Variants in KCNE2 observed in about 807,000 individuals in gnomAD.
KCNE2 encodes the protein potassium voltage-gated channel subfamily E regulatory subunit 2, also known as potassium voltage-gated channel subfamily E member 2.
Under a neutral mutation model 4.5 loss-of-function variants are expected in KCNE2, and 4 were observed. The observed-to-expected ratio is 0.89, with a 90% CI of 0.44 to 2.03. The LOEUF (loss-of-function observed/expected upper bound fraction) is 2.03. Among genes scored for constraint, KCNE2 ranks in the 30% most tolerant of loss-of-function variants. KCNE2 has a pLI of 0.03. For missense variants in KCNE2, 137 were observed against 151.4 expected (o/e 0.90, Z 0.50); for synonymous variants, 57 against 55.9 (o/e 1.02, Z -0.09).
chr21:34,368,229 A>ACACACAATATATATATAT (rs781775671), intron 1 of KCNE2, among the ~76,000 whole-genome samples: 1 of 84,796 alleles, frequency 1.2e-5, no homozygotes, highest in South Asian at 4.5e-4. Flanking sequence ...ACACACACAC[A>ACACACAATATATATATAT]ATATATATAT....
chr21:34,369,224 G>A (rs917266011), intron 1 of KCNE2, among the ~76,000 whole-genome samples: 7 of 152,102 alleles, frequency 4.6e-5, no homozygotes, highest in Admixed American at 4.6e-4. Context: ...CATTTTAAAA[G>A]CAAACAAATT....
intron 1 of KCNE2, among the ~76,000 whole-genome samples, chr21:34,364,512 G>A (rs1158020973): frequency 6.6e-6 from 1 of 152,188 alleles, no homozygotes; most frequent in African/African-American, 2.4e-5. Context: ...GCTCACGCCT[G>A]TAATCCCAGC....
intron 1 of KCNE2, among the ~76,000 whole-genome samples, chr21:34,367,397 G>C (rs73205268): frequency 6.6e-5 from 10 of 152,300 alleles, no homozygotes; most frequent in Non-Finnish European, 1.2e-4. Flanking sequence ...TTTCACAGCA[G>C]ACTATATCAT....
chr21:34,371,100 T>C lies in KCNE2; in HGVS notation c.*250T>C. 1 of 552,236 alleles carries C rather than the reference T, an allele frequency of 1.8e-6. No homozygotes were observed. Among genetic ancestry groups the C allele is most frequent in the African/African-American group, 1.9e-5 (1 of 52,914 alleles). The allele number at this position is 552,236 out of a possible 1,614,324, so 34.2% of individuals were successfully genotyped here. A position where few individuals can be genotyped will look rare whatever the true frequency, so the allele number is the denominator to read the frequency against. ...TTACTTTCCGGGCAAGTGAATGTCATTTTAATCAATATCAATGATGAAAAT... is the reference window on the plus strand; with the variant it reads ...TTACTTTCCGGGCAAGTGAATGTCACTTTAATCAATATCAATGATGAAAAT... On this transcript the variant is annotated 3_prime_UTR_variant, in exon 2 of 2. Coordinates refer to ENST00000290310, the MANE Select transcript of KCNE2 (RefSeq NM_172201.2).
chr21:34,367,467 C>T (rs1979358965), intron 1 of KCNE2, among the ~76,000 whole-genome samples: 2 of 152,072 alleles, frequency 1.3e-5, no homozygotes, highest in African/African-American at 2.4e-5. Flanking sequence ...TGGTATATAC[C>T]CTGGGGCAAT....
At chr21:34,368,256 ATATATGTATGT>A (rs1173729886) in intron 1 of KCNE2, among the ~76,000 whole-genome samples, 142 of 95,792 alleles carry the variant, frequency 1.5e-3, no homozygotes, top group Non-Finnish European at 2.1e-3. Context: ...ATATATATAT[ATATATGTATGT>A]TATATATATG....
chr21:34,368,400 A>C (rs1168251190), intron 1 of KCNE2, among the ~76,000 whole-genome samples: 4 of 151,690 alleles, frequency 2.6e-5, no homozygotes. Flanking sequence ...CGAGATCGAG[A>C]CCATCCTGGC....
In KCNE2 at chr21:34,365,131, G is replaced by A. The variant is rs972014879; in HGVS notation, c.-13+980G>A. 2.6e-5 allele frequency among the ~76,000 whole-genome samples: 4 copies of A among 152,136 alleles called. 1 individual carries two copies. The highest frequency in any genetic ancestry group is 1.3e-4 in the Admixed American group (2 of 15,278). The stretch of plus-strand genomic sequence containing the variant: ...CCAACTTGAGAGGCTTGTGATCTTG[G>A]ACAGGTGACTTAAGCCCTCTAGGCT... On this transcript the variant is annotated intron_variant, in intron 1 of 1. Coordinates refer to ENST00000290310, the MANE Select transcript of KCNE2 (RefSeq NM_172201.2).
chr21:34,368,229 A>AATATATATATATATATATAT (rs10596236), intron 1 of KCNE2, among the ~76,000 whole-genome samples: 74 of 84,776 alleles, frequency 8.7e-4, no homozygotes, highest in East Asian at 2.3e-3. Context: ...ACACACACAC[A>AATATATATATATATATATAT]ATATATATAT....
chr21:34,365,178 G>C (rs1979239424), intron 1 of KCNE2, among the ~76,000 whole-genome samples: 4 of 152,142 alleles, frequency 2.6e-5, no homozygotes, highest in Admixed American at 2.6e-4. Context: ...ACCTATCAGA[G>C]AGCAAACCAG....
chr21:34,365,502 T>G (rs1239594186), intron 1 of KCNE2, among the ~76,000 whole-genome samples: 1 of 152,240 alleles, frequency 6.6e-6, no homozygotes, highest in Non-Finnish European at 1.5e-5. Flanking sequence ...CATGGCTTAC[T>G]GCAGCCTTGA....
rs576256025 is a variant in KCNE2 at position 34,369,974 on chromosome 21, C to T, written c.-12-493C>T. Among the ~76,000 whole-genome samples the T allele has an allele frequency of 6.1e-4, 93 of 152,114 alleles. 1 individual carries two copies. Among genetic ancestry groups the T allele is most frequent in the South Asian group, 8.3e-4 (4 of 4,828 alleles). On this transcript the variant is annotated intron_variant, in intron 1 of 1. Transcript: ENST00000290310. ...ATGAGTCATTGGTCCATTCCACTGA[C>T]GTTTGTTGAGTGCTTGTTATGAATG...
chr21:34,365,539 C>T (rs1308622140), intron 1 of KCNE2, among the ~76,000 whole-genome samples: 1 of 152,222 alleles, frequency 6.6e-6, no homozygotes, highest in Non-Finnish European at 1.5e-5. Context: ...TATCCTCCCA[C>T]CTCAGCCTCC....
intron 1 of KCNE2, among the ~76,000 whole-genome samples, chr21:34,365,791 C>G (rs1979264988): frequency 6.6e-6 from 1 of 152,238 alleles, no homozygotes; most frequent in African/African-American, 2.4e-5. Context: ...TTGAAATCAA[C>G]CCACTTATAA....
In KCNE2 at chr21:34,370,602, G is replaced by T; in HGVS notation, c.124G>T (p.Asp42Tyr). 6.2e-7 allele frequency: 1 copy of T among 1,614,212 alleles called. No individual in the cohort carries two copies. ...GCAAGAGGCCCTCCAAGCCAAAGTT[G>T]ATGCTGAGAACTTCTACTATGTCAT... ...AEQEALQAKV[D>Y]AENFYYVILY... The change falls in exon 2 of 2, where the codon GAT becomes TAT. Residue 42 changes from aspartate to tyrosine, a missense_variant. Coordinates refer to ENST00000290310, the MANE Select transcript of KCNE2 (RefSeq NM_172201.2).
At position 34,368,224 on chromosome 21, in the gene KCNE2, C is replaced by T. The variant is rs1250426007; in HGVS notation, c.-12-2243C>T. ...ACACACACACACACACACACACACA[C>T]ACACAATATATATATATATATATAT... is the stretch of plus-strand genomic sequence containing the variant. On this transcript the variant is annotated intron_variant, in intron 1 of 1. Transcript: ENST00000290310. Among the ~76,000 whole-genome samples the T allele has an allele frequency of 3.6e-4, 27 of 74,070 alleles. 1 individual carries two copies. The highest frequency in any genetic ancestry group is 6.4e-3 in the Middle Eastern group (1 of 156). 48.6% of individuals were successfully genotyped at this position (74,070 alleles called of 152,430 possible).
intron 1 of KCNE2, among the ~76,000 whole-genome samples, chr21:34,365,283 C>A (rs914264514): frequency 2.9e-4 from 44 of 152,170 alleles, no homozygotes; most frequent in African/African-American, 1.1e-3. Context: ...ACATGAATTG[C>A]CCATATTTGA....
chr21:34,366,213 T>C (rs1312683400), intron 1 of KCNE2, among the ~76,000 whole-genome samples: 1 of 152,134 alleles, frequency 6.6e-6, no homozygotes. Flanking sequence ...CAAAGACCTT[T>C]TGTGGCAGAG....
At chr21:34,366,796 G>C (rs559538443) in intron 1 of KCNE2, among the ~76,000 whole-genome samples, 1 of 151,360 alleles carries the variant, frequency 6.6e-6, no homozygotes, top group African/African-American at 2.4e-5. Context: ...TGGCTAACAT[G>C]GTGAAACCCC....
Sources: gnomAD v4.1 joint callset for allele counts (sites outside exome capture counted in the v4.1 genomes callset) on GRCh38, gnomAD v4.1.1 for gene constraint, MANE v1.5 for transcripts, NCBI Gene and HGNC (gene_info 2026-07-23, HGNC 2026-07-21) for gene names.